Variants in PHACTR3 observed in about 807,000 individuals in gnomAD.
PHACTR3 encodes the protein protein phosphatase 1, regulatory subunit 123.
A neutral mutation model predicts 66.8 loss-of-function variants in PHACTR3; 16 were observed. The observed-to-expected ratio is 0.24, with a 90% CI of 0.16 to 0.36. The LOEUF (loss-of-function observed/expected upper bound fraction) is 0.36. Among genes scored for constraint, PHACTR3 ranks in the 10% least tolerant of loss-of-function variants. The pLI is 1.00. For synonymous variants in PHACTR3, 323 were observed against 292.1 expected (o/e 1.11, Z -1.08); for missense variants, 647 against 719.9 (o/e 0.90, Z 1.16).
Position 59,774,313 on chromosome 20 carries a change from G to T in PHACTR3, c.997G>T (p.Val333Leu). Residue 333 changes from valine (V) to leucine (L), a missense_variant, in exon 7 of 13, where the codon GTG (valine) becomes TTG (leucine). By Grantham distance (32) the Val-to-Leu change is conservative (BLOSUM62 1). Around this residue, in one of 2 missense-constraint regions of PHACTR3, gnomAD observed 577 missense variants for 571.1 expected, o/e 1.01. Coordinates refer to ENST00000371015, the MANE Select transcript of PHACTR3 (RefSeq NM_080672.5). ...TGTCCGTCTGTCGAGAACGTCCAGC[G>T]TGGAGCGGGGCAAGGAGAGGGAGGA... is the stretch of plus-strand genomic sequence containing the variant. ...LDVRLSRTSS[V>L]ERGKEREEAW... is the part of the protein sequence containing the mutation. 1 of 1,614,154 alleles carries T rather than the reference G, an allele frequency of 6.2e-7. No homozygotes were observed. The highest frequency in any genetic ancestry group is 8.5e-7 in the Non-Finnish European group (1 of 1,180,020).
At chr20:59,842,044 T>A (rs1017119252) in intron 11 of PHACTR3, among the ~76,000 whole-genome samples, 2 of 152,204 alleles carry the variant, frequency 1.3e-5, no homozygotes, top group Non-Finnish European at 2.9e-5. Context: ...ATTCTCCCCC[T>A]GGACTTGTGC....
rs373530328 is a variant in PHACTR3 at position 59,617,926 on chromosome 20, C to A, written c.118+12794C>A. Among the ~76,000 whole-genome samples the A allele has an allele frequency of 1.8e-4, 27 of 152,284 alleles. 1 individual carries two copies. Among genetic ancestry groups the A allele is most frequent in the African/African-American group, 6.3e-4 (26 of 41,558 alleles). On this transcript the variant is annotated intron_variant, in intron 1 of 12. Transcript: ENST00000371015. Reference sequence around the variant, plus strand: ...CTGTTGCCTCATCCTCGTGGTAGATCGTCTGGTGAGTGATGGGCTTGGATC... The same window carrying A: ...CTGTTGCCTCATCCTCGTGGTAGATAGTCTGGTGAGTGATGGGCTTGGATC...
chr20:59,729,386 G>A (rs1046420744), intron 1 of PHACTR3, among the ~76,000 whole-genome samples: 5 of 152,250 alleles, frequency 3.3e-5, no homozygotes, highest in Admixed American at 2.0e-4. Context: ...AAAGGAGACC[G>A]GGGCACGAGT....
At chr20:59,622,396 G>A (rs866112891) in intron 1 of PHACTR3, among the ~76,000 whole-genome samples, 2 of 152,150 alleles carry the variant, frequency 1.3e-5, no homozygotes, top group Non-Finnish European at 2.9e-5. Context: ...CTCCTGGGGT[G>A]GGTATGAGTT....
chr20:59,635,155 TTC>T lies in PHACTR3; in HGVS notation c.118+30025_118+30026del, dbSNP rs1408305368. ...TCTTTCTTTCTTTCTTTCTTTTTCTTTCTTTCTTTCTTTCCTTTCTTTCTTTC... is the reference window on the plus strand; with the variant it reads ...TCTTTCTTTCTTTCTTTCTTTTTCTTTTTCTTTCTTTCCTTTCTTTCTTTC... On this transcript the variant is annotated intron_variant, in intron 1 of 12. Coordinates refer to ENST00000371015, the MANE Select transcript of PHACTR3 (RefSeq NM_080672.5). Among the ~76,000 whole-genome samples, 9 of 65,370 alleles carry T rather than the reference TTC, an allele frequency of 1.4e-4. 1 individual carries two copies. Among genetic ancestry groups the T allele is most frequent in the South Asian group, 5.3e-4 (1 of 1,884 alleles). The allele number at this position is 65,370 out of a possible 152,430, so 42.9% of individuals were successfully genotyped here.
chr20:59,753,753 A>G (rs995591315), intron 3 of PHACTR3, among the ~76,000 whole-genome samples: 2 of 152,226 alleles, frequency 1.3e-5, no homozygotes, highest in African/African-American at 4.8e-5. Flanking sequence ...TGGGCACAAA[A>G]CACCGTTTGC....
chr20:59,713,121 G>A (rs966877068), intron 1 of PHACTR3, among the ~76,000 whole-genome samples: 1 of 152,238 alleles, frequency 6.6e-6, no homozygotes, highest in Non-Finnish European at 1.5e-5. Context: ...GTGGAGGTGG[G>A]AAAACAGCTC....
At chr20:59,684,805 C>T (rs150486972) in intron 1 of PHACTR3, among the ~76,000 whole-genome samples, 39 of 152,268 alleles carry the variant, frequency 2.6e-4, no homozygotes, top group African/African-American at 8.9e-4. Flanking sequence ...TGAAAATGCC[C>T]GATGAAGGGT....
intron 1 of PHACTR3, among the ~76,000 whole-genome samples, chr20:59,700,607 A>G (rs1468697531): frequency 6.6e-6 from 1 of 152,208 alleles, no homozygotes; most frequent in East Asian, 1.9e-4. Context: ...GTTTAGGTTC[A>G]AGCCATGTTT....
chr20:59,784,868 A>G (rs543405460), intron 7 of PHACTR3, among the ~76,000 whole-genome samples: 1 of 152,334 alleles, frequency 6.6e-6, no homozygotes, highest in East Asian at 1.9e-4. Flanking sequence ...GCATACCGCA[A>G]GGGCTCATTC....
At chr20:59,765,922 A>G (rs1185201556) in intron 4 of PHACTR3, among the ~76,000 whole-genome samples, 1 of 152,166 alleles carries the variant, frequency 6.6e-6, no homozygotes, top group Non-Finnish European at 1.5e-5. Flanking sequence ...TAGTTGTAAA[A>G]ACTGAATAAG....
chr20:59,614,647 A>C (rs982417645), intron 1 of PHACTR3, among the ~76,000 whole-genome samples: 1 of 152,098 alleles, frequency 6.6e-6, no homozygotes, highest in Non-Finnish European at 1.5e-5. Context: ...TTGTAATACA[A>C]CCCTTTTAAA....
At chr20:59,594,802 A>AT (rs982781180) in intron 1 of PHACTR3, among the ~76,000 whole-genome samples, 5 of 152,202 alleles carry the variant, frequency 3.3e-5, no homozygotes, top group African/African-American at 1.2e-4. Flanking sequence ...TTATGCTCTA[A>AT]TTTTTTATTA....
chr20:59,767,835 TTTCCTTTCCA>T (rs1432061360), intron 5 of PHACTR3, among the ~76,000 whole-genome samples: 5 of 151,930 alleles, frequency 3.3e-5, no homozygotes, highest in Non-Finnish European at 5.9e-5. Context: ...ATTCCATTCC[TTTCCTTTCCA>T]TTCCTTTCTG....
chr20:59,774,231 T>C lies in PHACTR3; in HGVS notation c.927-12T>C, dbSNP rs1007985601. On this transcript the variant is annotated splice_polypyrimidine_tract_variant and intron_variant, in intron 6 of 12. Transcript: ENST00000371015. ...GGGGTGACCTATAACCTGAACCATC[T>C]TTCTGGTTTAGTTTTCAAGGAAGAG... 2.6e-6 allele frequency: 4 copies of C among 1,566,792 alleles called. No individual in the cohort carries two copies. The African/African-American group carries it at 5.5e-5, about 21-fold the overall frequency.
chr20:59,604,358 G>A (rs2146330312), upstream of PHACTR3, among the ~76,000 whole-genome samples: 1 of 152,158 alleles, frequency 6.6e-6, no homozygotes. Flanking sequence ...GGTGGGGTGG[G>A]CGGCTCCTAA....
intron 8 of PHACTR3, among the ~76,000 whole-genome samples, chr20:59,806,665 C>A (rs1291604268): frequency 6.6e-6 from 1 of 152,184 alleles, no homozygotes; most frequent in Admixed American, 6.5e-5. Context: ...CCCCCCCACC[C>A]ACATACACAC....
intron 1 of PHACTR3, among the ~76,000 whole-genome samples, chr20:59,583,049 T>A (rs1420476393): frequency 6.6e-6 from 1 of 152,208 alleles, no homozygotes; most frequent in Non-Finnish European, 1.5e-5. Flanking sequence ...AAGTCCTGCA[T>A]CCTGAGAAGT....
intron 1 of PHACTR3, among the ~76,000 whole-genome samples, chr20:59,617,286 A>G (rs928518499): frequency 6.6e-6 from 1 of 152,218 alleles, no homozygotes; most frequent in African/African-American, 2.4e-5. Flanking sequence ...CCCAAAAAAA[A>G]CAACAATAAA....
Sources: allele counts gnomAD v4.1 joint callset (sites outside exome capture counted in the v4.1 genomes callset), GRCh38; gene constraint gnomAD v4.1.1; regional missense constraint gnomAD v4.1.1; transcripts MANE v1.5; gene names NCBI Gene and HGNC (gene_info 2026-07-23, HGNC 2026-07-21).